The following PML variants were observed in gnomAD, a reference collection of about 807,000 sequenced individuals.
PML encodes protein PML.
PML carries 28 observed loss-of-function variants against 65.2 expected under a neutral mutation model. The observed-to-expected ratio is 0.43, with a 90% CI of 0.32 to 0.59. PML has a LOEUF of 0.59. Ranked by LOEUF, PML falls within the 20% of genes least tolerant of loss-of-function variation. PML has a pLI of 0.08. For missense variants in PML, 1,021 were observed against 1,203.4 expected, an observed-to-expected ratio of 0.85 and a Z score of 2.24; for synonymous variants, 500 against 508.8, an observed-to-expected ratio of 0.98 and a Z score of 0.23.
chr15:73,996,975 A>G (rs757086438), intron 1 of PML, among the ~76,000 whole-genome samples: 21 of 152,168 alleles, frequency 1.4e-4, no homozygotes, highest in Non-Finnish European at 2.2e-4. Flanking sequence ...GGAAAGAGTG[A>G]AGCAATGAAA....
At position 74,023,303 on chromosome 15, in the gene PML, C is replaced by CGCCAGGAGGAGCCCCAGA; in HGVS notation, c.1082_1099dup (p.Gln361_Ser366dup). On this transcript the variant is annotated inframe_insertion, in exon 3 of 9. Coordinates refer to ENST00000268058, the MANE Select transcript of PML (RefSeq NM_033238.3). ...CCTGCGCCAGGCGCTCTGCCGCCTG[C>CGCCAGGAGGAGCCCCAGA]GCCAGGAGGAGCCCCAGAGCCTGCA... 1 of 1,609,242 alleles carries CGCCAGGAGGAGCCCCAGA rather than the reference C, an allele frequency of 6.2e-7. No individual in the cohort carries two copies. Among genetic ancestry groups the CGCCAGGAGGAGCCCCAGA allele is most frequent in the Non-Finnish European group, 8.5e-7 (1 of 1,179,676 alleles).
At chr15:74,015,240 A>G (rs980703401) in intron 2 of PML, among the ~76,000 whole-genome samples, 3 of 152,190 alleles carry the variant, frequency 2.0e-5, no homozygotes, top group Admixed American at 6.5e-5. Context: ...AGAATTACCC[A>G]TCTCCTCTCC....
intron 5 of PML, 148 bp downstream of exon 5, chr15:74,032,863 C>T (rs2071384260): frequency 2.2e-6 from 2 of 901,982 alleles, no homozygotes. Flanking sequence ...GTGCTCTCCC[C>T]TGTTCTTGGC....
intron 2 of PML, among the ~76,000 whole-genome samples, chr15:74,012,389 T>C (rs971241845): frequency 1.8e-4 from 28 of 152,250 alleles, no homozygotes; most frequent in African/African-American, 6.0e-4. Context: ...TTGGCCAGGC[T>C]GGTCTTGAAC....
At chr15:74,017,411 C>G (rs1453516876) in intron 2 of PML, among the ~76,000 whole-genome samples, 1 of 152,072 alleles carries the variant, frequency 6.6e-6, no homozygotes, top group Non-Finnish European at 1.5e-5. Context: ...CTTTGGGAGG[C>G]AGGGGCTGGC....
chr15:74,038,716 C>T (rs1351052955), intron 7 of PML, among the ~76,000 whole-genome samples: 3 of 152,156 alleles, frequency 2.0e-5, no homozygotes, highest in Non-Finnish European at 2.9e-5. Flanking sequence ...AACCCATCCT[C>T]CCCAGCTCTG....
At chr15:73,997,899 T>A (rs2069581014) in intron 1 of PML, 105 bp from the exon 2 acceptor site, 3 of 948,850 alleles carry the variant, frequency 3.2e-6, no homozygotes, top group Non-Finnish European at 5.1e-6. Context: ...CTGGCTGGAA[T>A]GGAATATGAG....
intron 4 of PML, among the ~76,000 whole-genome samples, chr15:74,030,116 C>T (rs1033422951): frequency 6.6e-6 from 1 of 152,276 alleles, no homozygotes; most frequent in South Asian, 2.1e-4. Context: ...CAGCCTCTGT[C>T]GGGAGCCTCC....
At chr15:74,027,740 A>G (rs1265975838) in intron 4 of PML, 1 of 152,180 alleles carries the variant, frequency 6.6e-6, no homozygotes, top group African/African-American at 2.4e-5. Context: ...GCCTCTCACT[A>G]TCAGCTAGGA....
chr15:73,998,571 G>A, intron 2 of PML, 95 bp downstream of exon 2: 1 of 1,063,994 alleles, frequency 9.4e-7, no homozygotes, highest in South Asian at 1.4e-5. Flanking sequence ...CTGAGGACAA[G>A]GAGCTTCTGG....
chr15:73,998,366 G>A lies in PML; in HGVS notation c.492G>A (p.Arg164=), dbSNP rs2069602462. 6.2e-7 allele frequency: 1 copy of A among 1,614,170 alleles called. No individual in the cohort carries two copies. Among genetic ancestry groups the A allele is most frequent in the Non-Finnish European group, 8.5e-7 (1 of 1,180,020 alleles). ...AGTGGTTCCTCAAGCACGAGGCCCGGCCCCTAGCAGAGCTGCGCAACCAGT... is the reference window on the plus strand; with the variant it reads ...AGTGGTTCCTCAAGCACGAGGCCCGACCCCTAGCAGAGCTGCGCAACCAGT... ...AHQWFLKHEA[R]PLAELRNQSV... Residue 164 remains arginine, a synonymous_variant, in exon 2 of 9, where the codon CGG becomes CGA. Coordinates refer to ENST00000268058, the MANE Select transcript of PML (RefSeq NM_033238.3).
intron 2 of PML, among the ~76,000 whole-genome samples, chr15:74,001,294 A>G (rs892550950): frequency 2.0e-5 from 3 of 150,810 alleles, no homozygotes; most frequent in Non-Finnish European, 3.0e-5. Flanking sequence ...TTCATTTTCT[A>G]GCTTCTTGAA....
rs2071541148 is a variant in PML at position 74,035,950 on chromosome 15, G to C, written c.1710+1420G>C. ...CCAGGCGCCCGTCAAGCAGGCCTCT[G>C]AGAGTGCTACCCTTCTCTTGTAACC... On this transcript the variant is annotated intron_variant, in intron 7 of 8. Coordinates refer to ENST00000268058, the MANE Select transcript of PML (RefSeq NM_033238.3). This position sits in a 1 kb window ranked among gnomAD's most constrained non-coding sequence, Gnocchi z 4.1. 1 of 1,613,952 alleles carries C rather than the reference G, an allele frequency of 6.2e-7. No homozygotes were observed. Among genetic ancestry groups the C allele is most frequent in the Non-Finnish European group, 8.5e-7 (1 of 1,180,048 alleles).
chr15:74,016,408 A>C (rs971084455), intron 2 of PML, among the ~76,000 whole-genome samples: 4 of 152,206 alleles, frequency 2.6e-5, no homozygotes, highest in Non-Finnish European at 5.9e-5. Context: ...TCTCTGAAAA[A>C]AAAATTAACA....
intron 2 of PML, among the ~76,000 whole-genome samples, chr15:74,015,755 A>G (rs1279317262): frequency 1.3e-5 from 2 of 152,216 alleles, no homozygotes; most frequent in Non-Finnish European, 2.9e-5. Context: ...AGTCCTTCAC[A>G]TACACCAGCC....
At chr15:74,016,792 C>CTATTTTTTTTTTTTTTT (rs2070600942) in intron 2 of PML, among the ~76,000 whole-genome samples, 1 of 77,646 alleles carries the variant, frequency 1.3e-5, no homozygotes, top group Admixed American at 1.8e-4. Context: ...GCAGTGGCAT[C>CTATTTTTTTTTTTTTTT]TTTTTTTTTT....
rs781070712 is a variant in PML at position 74,023,263 on chromosome 15, G to T, written c.1038G>T (p.Leu346=). Residue 346 remains leucine, a synonymous_variant, in exon 3 of 9, where the codon CTG becomes CTT. Transcript: ENST00000268058. Reference sequence around the variant, plus strand: ...GCTACGCCTCGGACCAGGAGGTGCTGGACATGCACGGTTTCCTGCGCCAGG... The same window carrying T: ...GCTACGCCTCGGACCAGGAGGTGCTTGACATGCACGGTTTCCTGCGCCAGG... The part of the protein sequence containing the change: ...MKCYASDQEV[L]DMHGFLRQAL... 7 of 1,610,906 alleles carry T rather than the reference G, an allele frequency of 4.3e-6. No homozygotes were observed. In the South Asian group the frequency reaches 7.7e-5, roughly 18 times the overall value.
intron 7 of PML, among the ~76,000 whole-genome samples, chr15:74,041,164 A>G (rs901722170): frequency 7.9e-5 from 12 of 152,226 alleles, no homozygotes; most frequent in Non-Finnish European, 1.6e-4. Flanking sequence ...CCTGTGTGCC[A>G]TGTCAGTGGG....
intron 7 of PML, among the ~76,000 whole-genome samples, chr15:74,038,729 G>C (rs1389746936): frequency 6.6e-6 from 1 of 152,158 alleles, no homozygotes; most frequent in African/African-American, 2.4e-5. Flanking sequence ...CAGCTCTGCA[G>C]CTTATATCCA....
Sources: gnomAD v4.1 joint callset for allele counts (sites outside exome capture counted in the v4.1 genomes callset) on GRCh38, gnomAD v4.1.1 for gene constraint, Gnocchi (gnomAD v3.1) non-coding constraint, MANE v1.5 for transcripts, NCBI Gene and HGNC (gene_info 2026-07-23, HGNC 2026-07-21) for gene names.